The following PRKRA variants were observed in gnomAD, a reference collection of about 807,000 sequenced individuals.
PRKRA encodes protein activator of interferon induced protein kinase EIF2AK2.
Under a neutral mutation model 32.4 loss-of-function variants are expected in PRKRA, and 22 were observed. The ratio of observed to expected loss-of-function variants is 0.68; its 90% CI spans 0.49 to 0.97. The LOEUF (loss-of-function observed/expected upper bound fraction) is 0.97, where lower values mean the gene tolerates loss of function less well. Ranked by LOEUF, PRKRA falls within the 50% of genes least tolerant of loss-of-function variation. The probability of loss-of-function intolerance (pLI) is 0.00; values close to 1 mark genes in which losing one functional copy is unlikely to be tolerated. For synonymous variants in PRKRA, 139 were observed against 129.8 expected (o/e 1.07, Z -0.48); for missense variants, 319 against 375.6 (o/e 0.85, Z 1.25).
rs1291282018 is a variant in PRKRA at position 178,431,519 on chromosome 2, T to C, written c.*578A>G. The C allele has an allele frequency of 6.4e-6, 1 of 155,586 alleles. No homozygotes were observed. Among genetic ancestry groups the C allele is most frequent in the African/African-American group, 2.4e-5 (1 of 41,404 alleles). The allele number at this position is 155,586 out of a possible 1,614,324, so 9.6% of individuals were successfully genotyped here. A position where few individuals can be genotyped will look rare whatever the true frequency, so the allele number is the denominator to read the frequency against. ...CAGAATTATCAACATTAAAATCTTA[T>C]TCACAATGGCTAACAAGAACAGGAT... On this transcript the variant is annotated 3_prime_UTR_variant, in exon 8 of 8. Coordinates refer to ENST00000325748, the MANE Select transcript of PRKRA (RefSeq NM_003690.5).
Position 178,443,356 on chromosome 2 carries a change from A to G in PRKRA, c.425T>C (p.Leu142Pro), listed in dbSNP as rs1221034852. The change falls in exon 5 of 8, where the codon CTT becomes CCT. Residue 142 changes from leucine to proline, a missense_variant. Transcript: ENST00000325748. ...CTCCTGGGAAAGGGTATATTCAGGA[A>G]GTCTCCAGCCATGATGAATAGCCAA... ...QELAIHHGWR[L>P]PEYTLSQEGG... 1.9e-6 allele frequency: 3 copies of G among 1,612,594 alleles called. No homozygotes were observed. Among genetic ancestry groups the G allele is most frequent in the Non-Finnish European group, 2.5e-6 (3 of 1,178,782 alleles).
chr2:178,434,985 G>A (rs144209413), intron 7 of PRKRA, among the ~76,000 whole-genome samples: 1,575 of 151,854 alleles, frequency 0.01, 26 homozygotes, highest in African/African-American at 0.036. Context: ...TTGGGAGGCC[G>A]AGGTGGGTGG....
At chr2:178,432,377 C>G in intron 7 of PRKRA, 123 bp from the exon 8 acceptor site, 2 of 1,274,368 alleles carry the variant, frequency 1.6e-6, no homozygotes, top group Non-Finnish European at 2.2e-6. Flanking sequence ...TACTACACCA[C>G]TCGCAATCTT....
chr2:178,444,584 T>G, intron 3 of PRKRA, 84 bp from the exon 4 acceptor site: 1 of 1,098,668 alleles, frequency 9.1e-7, no homozygotes, highest in Non-Finnish European at 1.4e-6. Flanking sequence ...TAATTAACTC[T>G]CTATGTCTTT....
At position 178,432,168 on chromosome 2, in the gene PRKRA, A is replaced by G. The variant is rs1696682149; in HGVS notation, c.871T>C (p.Cys291Arg). 6.2e-7 allele frequency: 1 copy of G among 1,614,226 alleles called. No homozygotes were observed. The highest frequency in any genetic ancestry group is 1.1e-5 in the South Asian group (1 of 91,090). Reference sequence around the variant, plus strand: ...GCTGCATCACTTTGTGCATTGCCACAGGAGATACCGGAGCCATGACAGACT... The same window carrying G: ...GCTGCATCACTTTGTGCATTGCCACGGGAGATACCGGAGCCATGACAGACT... ...ITVCHGSGISCGNAQSDAAHN... is the reference protein window; with the variant it reads ...ITVCHGSGISRGNAQSDAAHN... The change falls in exon 8 of 8, where the codon TGT becomes CGT. Residue 291 changes from cysteine (C) to arginine (R), a missense_variant. By Grantham distance (180) the Cys-to-Arg change is radical. Coordinates refer to ENST00000325748, the MANE Select transcript of PRKRA (RefSeq NM_003690.5).
rs1697169990 is a variant in PRKRA at position 178,442,908 on chromosome 2, T to C, written c.514+359A>G. Among the ~76,000 whole-genome samples, 3 of 152,236 alleles carry C rather than the reference T, an allele frequency of 2.0e-5. No individual in the cohort carries two copies. The South Asian group carries it at 6.2e-4, about 31-fold the overall frequency. On this transcript the variant is annotated intron_variant, in intron 5 of 7. Transcript: ENST00000325748. ...ATATAATTTTCAAGTGTAATCTTCCTCTAGTCCTATTTTCTAGATAGAATA... is the reference window on the plus strand; with the variant it reads ...ATATAATTTTCAAGTGTAATCTTCCCCTAGTCCTATTTTCTAGATAGAATA...
intron 7 of PRKRA, among the ~76,000 whole-genome samples, chr2:178,434,791 T>C (rs933527586): frequency 6.6e-6 from 1 of 152,002 alleles, no homozygotes; most frequent in Non-Finnish European, 1.5e-5. Context: ...CTTTCTGTGG[T>C]TGGATAGGGA....
intron 7 of PRKRA, chr2:178,433,278 C>T (rs1485349516): frequency 2.6e-5 from 4 of 152,164 alleles, no homozygotes; most frequent in Admixed American, 1.3e-4. Context: ...ATGTTTTGGG[C>T]TGTTTCTACC....
chr2:178,450,698 G>C, intron 1 of PRKRA: 2 of 1,408,612 alleles, frequency 1.4e-6, no homozygotes, highest in Non-Finnish European at 1.8e-6. Context: ...AGCCTCTCAG[G>C]GAAAACCTGA....
chr2:178,449,381 C>T (rs1211222543), intron 2 of PRKRA, among the ~76,000 whole-genome samples: 1 of 152,202 alleles, frequency 6.6e-6, no homozygotes, highest in East Asian at 1.9e-4. Context: ...CTTCCAGGGA[C>T]ACAAACAAAT....
chr2:178,447,722 A>C (rs1481437918), intron 2 of PRKRA, 136 bp from the exon 3 acceptor site: 11 of 846,768 alleles, frequency 1.3e-5, no homozygotes, highest in African/African-American at 1.7e-5. Context: ...TGTACGTTAT[A>C]TACTGTACAT....
rs555526746 is a variant in PRKRA at position 178,438,489 on chromosome 2, G to A, written c.610-2170C>T. Among the ~76,000 whole-genome samples, 280 of 152,088 alleles carry A rather than the reference G, an allele frequency of 1.8e-3. 1 individual carries two copies. The highest frequency in any genetic ancestry group is 3.3e-3 in the Non-Finnish European group (223 of 67,990). On this transcript the variant is annotated intron_variant, in intron 6 of 7. Coordinates refer to ENST00000325748, the MANE Select transcript of PRKRA (RefSeq NM_003690.5). ...GCATCTACGCCTGGATTCTCTATTC[G>A]CTCCTCTGACTATTCCTGGCCCAGT...
At chr2:178,447,237 A>C (rs534147488) in intron 3 of PRKRA, 3 of 409,346 alleles carry the variant, frequency 7.3e-6, no homozygotes, top group Admixed American at 4.1e-5. Flanking sequence ...TATTTGCAAG[A>C]AGCACTGATT....
chr2:178,441,532 G>T, intron 6 of PRKRA, 78 bp downstream of exon 6: 1 of 876,502 alleles, frequency 1.1e-6, no homozygotes, highest in Non-Finnish European at 1.7e-6. Flanking sequence ...AGTAGCTATA[G>T]AATAAGAAAT....
rs778921785 is a variant in PRKRA, at chr2:178,447,561, C to T, written c.261G>A (p.Ala87=). Residue 87 remains alanine (A), a synonymous_variant, in exon 3 of 8, where the codon GCG becomes GCA. Coordinates refer to ENST00000325748, the MANE Select transcript of PRKRA (RefSeq NM_003690.5). The part of the protein sequence containing the change: ...CTGEGTSKKL[A]KHRAAEAAIN... ...TGGCAGCCTCTGCAGCTCTATGTTT[C>T]GCCAGCTTCTTACTTGTACCTTCAC... The T allele has an allele frequency of 8.1e-6, 13 of 1,614,114 alleles. No individual in the cohort carries two copies. Among genetic ancestry groups the T allele is most frequent in the Middle Eastern group, 1.7e-4 (1 of 6,060 alleles).
rs772470217 is a variant in PRKRA, at chr2:178,450,291, G to A, written c.186C>T (p.His62=). 14 of 1,614,136 alleles carry A rather than the reference G, an allele frequency of 8.7e-6. No homozygotes were observed. In the African/African-American group the frequency reaches 1.5e-4, roughly 17 times the overall value. Residue 62 remains histidine, a synonymous_variant, in exon 2 of 8, where the codon CAC becomes CAT. Coordinates refer to ENST00000325748, the MANE Select transcript of PRKRA (RefSeq NM_003690.5). The part of the protein sequence containing the change: ...YECERSDVQI[H]VPTFTFRVTV... ...TTACTCTGAAGGTGAAAGTGGGCACGTGTATTTGCACATCAGATCTTTCAC... is the reference window on the plus strand; with the variant it reads ...TTACTCTGAAGGTGAAAGTGGGCACATGTATTTGCACATCAGATCTTTCAC...
chr2:178,451,173 G>C lies in PRKRA; in HGVS notation c.-143C>G, dbSNP rs1046161339. 12 of 899,152 alleles carry C rather than the reference G, an allele frequency of 1.3e-5. No individual in the cohort carries two copies. Among genetic ancestry groups the C allele is most frequent in the South Asian group, 1.1e-4 (6 of 56,606 alleles). The allele number at this position is 899,152 out of a possible 1,614,324, so 55.7% of individuals were successfully genotyped here. A position where few individuals can be genotyped will look rare whatever the true frequency, so the allele number is the denominator to read the frequency against. On this transcript the variant is annotated 5_prime_UTR_variant, in exon 1 of 8. Transcript: ENST00000325748. ...CCTCCTGCTTGCGTTGCTCCAGCGA[G>C]GGGGCAGGCAGGGTGGGGGCGGAGC...
chr2:178,439,409 G>C (rs1697030875), intron 6 of PRKRA: 1 of 151,978 alleles, frequency 6.6e-6, no homozygotes, highest in East Asian at 1.9e-4. Flanking sequence ...TATTCTGGTT[G>C]TTACCTACAT....
chr2:178,450,716 T>A (rs949316507), intron 1 of PRKRA: 37 of 1,378,622 alleles, frequency 2.7e-5, no homozygotes, highest in Non-Finnish European at 3.2e-5. Flanking sequence ...TGACGATCCC[T>A]TCCCGGGCGC....
Sources: allele counts gnomAD v4.1 joint callset (sites outside exome capture counted in the v4.1 genomes callset), GRCh38; gene constraint gnomAD v4.1.1; transcripts MANE v1.5; gene names NCBI Gene and HGNC (gene_info 2026-07-23, HGNC 2026-07-21).